Variants in KAZN observed in about 807,000 individuals in gnomAD.
KAZN encodes the protein kazrin.
Under a neutral mutation model 87.4 loss-of-function variants are expected in KAZN, and 40 were observed. The observed-to-expected ratio is 0.46, with a 90% CI of 0.36 to 0.60. The LOEUF (loss-of-function observed/expected upper bound fraction) is 0.60. Ranked by LOEUF, KAZN falls within the 20% of genes least tolerant of loss-of-function variation. The pLI is 0.00. For missense variants in KAZN, 898 were observed against 1,073.9 expected, an observed-to-expected ratio of 0.84 and a Z score of 2.29; for synonymous variants, 466 against 458.3, an observed-to-expected ratio of 1.02 and a Z score of -0.22.
chr1:14,335,728 T>C (rs1018835178), intron 2 of KAZN, among the ~76,000 whole-genome samples: 3 of 151,718 alleles, frequency 2.0e-5, no homozygotes, highest in Admixed American at 6.6e-5. Flanking sequence ...AACAGACTAA[T>C]ATAGGCGTGC....
chr1:14,021,054 G>C (rs1164825003), intron 1 of KAZN, among the ~76,000 whole-genome samples: 2 of 152,192 alleles, frequency 1.3e-5, no homozygotes, highest in African/African-American at 2.4e-5. Flanking sequence ...AGCCAAGCCA[G>C]GTTTCTCACC....
At chr1:14,382,237 C>T (rs1267570562) in intron 2 of KAZN, among the ~76,000 whole-genome samples, 1 of 152,104 alleles carries the variant, frequency 6.6e-6, no homozygotes, top group African/African-American at 2.4e-5. Context: ...CCATACTACC[C>T]AATGCAATCT....
chr1:14,587,817 A>G (rs1054230494), intron 2 of KAZN, among the ~76,000 whole-genome samples: 3 of 152,162 alleles, frequency 2.0e-5, no homozygotes, highest in Admixed American at 6.5e-5. Flanking sequence ...GAGGGGACAA[A>G]CAACCACACT....
At chr1:14,674,571 A>T (rs1161588417) in intron 1 of KAZN, among the ~76,000 whole-genome samples, 1 of 152,204 alleles carries the variant, frequency 6.6e-6, no homozygotes, top group Non-Finnish European at 1.5e-5. Flanking sequence ...ACTCACCAGG[A>T]CGAGTTAGGC....
In KAZN at chr1:14,466,888, G is replaced by C. The variant is rs558963458; in HGVS notation, c.250-132095G>C. On this transcript the variant is annotated intron_variant, in intron 2 of 16. Transcript: ENST00000636203. Reference sequence around the variant, plus strand: ...GGAGGCTGAGGCAGGAGAATGGCGTGAACCCAGGAGGTGGAGGTTGCAGTG... The same window carrying C: ...GGAGGCTGAGGCAGGAGAATGGCGTCAACCCAGGAGGTGGAGGTTGCAGTG... 3.5e-4 allele frequency among the ~76,000 whole-genome samples: 53 copies of C among 152,268 alleles called. No homozygotes were observed. The East Asian group carries it at 0.01, about 29-fold the overall frequency.
At chr1:14,499,122 G>T (rs188053995) in intron 2 of KAZN, among the ~76,000 whole-genome samples, 1 of 152,098 alleles carries the variant, frequency 6.6e-6, no homozygotes, top group African/African-American at 2.4e-5. Context: ...AATATTTGGT[G>T]AGTGTGTTTA....
intron 2 of KAZN, among the ~76,000 whole-genome samples, chr1:14,575,943 C>T (rs764492922): frequency 5.9e-5 from 9 of 152,200 alleles, no homozygotes; most frequent in Non-Finnish European, 1.2e-4. Context: ...AATGCATCCC[C>T]TTAGGTGAAC....
intron 13 of KAZN, 110 bp from the exon 14 acceptor site, chr1:15,112,307 GCAGCTGTGGT>G (rs1419023127): frequency 8.1e-5 from 57 of 701,462 alleles, no homozygotes; most frequent in Non-Finnish European, 1.3e-4. Flanking sequence ...GTCGGTCTCA[GCAGCTGTGGT>G]CATTGTCACC....
chr1:14,816,628 T>G (rs1296271934), intron 1 of KAZN, among the ~76,000 whole-genome samples: 2 of 152,104 alleles, frequency 1.3e-5, no homozygotes, highest in Non-Finnish European at 2.9e-5. Context: ...CAGACAGACA[T>G]ATTAATAGAT....
At chr1:14,157,588 G>T (rs888035066) in intron 1 of KAZN, among the ~76,000 whole-genome samples, 6 of 152,156 alleles carry the variant, frequency 3.9e-5, no homozygotes, top group African/African-American at 1.4e-4. Flanking sequence ...TGAAAAGTCT[G>T]CTGCCAGAGG....
At chr1:14,256,581 GAAA>G (rs973210118) in intron 2 of KAZN, among the ~76,000 whole-genome samples, 1 of 151,970 alleles carries the variant, frequency 6.6e-6, no homozygotes. Flanking sequence ...GAACATTCTA[GAAA>G]AAAATGGCAG....
rs560729592 is a variant in KAZN, at chr1:14,002,608, C to A, written c.91+108852C>A. 1.1e-4 allele frequency among the ~76,000 whole-genome samples: 17 copies of A among 152,258 alleles called. No homozygotes were observed. The South Asian group carries it at 3.3e-3, about 30-fold the overall frequency. On this transcript the variant is annotated intron_variant, in intron 1 of 16. Transcript: ENST00000636203. ...TCTTTATCAGCCGTGTGAAAATGAA[C>A]TAATACACTCATCATTTGAGAAATG...
intron 1 of KAZN, among the ~76,000 whole-genome samples, chr1:14,774,417 C>T (rs1196364788): frequency 6.6e-6 from 1 of 151,956 alleles, no homozygotes; most frequent in Non-Finnish European, 1.5e-5. Context: ...TTCCCCTTCT[C>T]ACACCCACAC....
At chr1:14,858,787 T>TGA (rs1650473744) in intron 1 of KAZN, among the ~76,000 whole-genome samples, 1 of 152,210 alleles carries the variant, frequency 6.6e-6, no homozygotes, top group African/African-American at 2.4e-5. Flanking sequence ...TGGCTTGCAT[T>TGA]GAGAGACCTT....
intron 2 of KAZN, among the ~76,000 whole-genome samples, chr1:14,316,995 G>A (rs910236268): frequency 6.6e-6 from 1 of 151,850 alleles, no homozygotes; most frequent in Non-Finnish European, 1.5e-5. Context: ...TGAGATGAAA[G>A]TTTACTCCAT....
chr1:14,265,465 C>T (rs1259636009), intron 2 of KAZN, among the ~76,000 whole-genome samples: 8 of 152,280 alleles, frequency 5.3e-5, no homozygotes, highest in South Asian at 4.1e-4. Flanking sequence ...TGGTGAAATA[C>T]GCAGCAATGA....
At chr1:14,126,723 G>T (rs1000209446) in intron 1 of KAZN, among the ~76,000 whole-genome samples, 26 of 152,090 alleles carry the variant, frequency 1.7e-4, no homozygotes, top group Non-Finnish European at 3.4e-4. Context: ...ATCAACCTTG[G>T]GTCTTCTGAC....
In KAZN at chr1:14,136,238, G is replaced by A. The variant is rs375376782; in HGVS notation, c.92-44197G>A. On this transcript the variant is annotated intron_variant, in intron 1 of 16. Transcript: ENST00000636203. ...GGACTGCAGAGTTTTGGGGAGCCCC[G>A]GCCTCAGTAGGGCACAAGCGGATGT... is the stretch of plus-strand genomic sequence containing the variant. Among the ~76,000 whole-genome samples, 240 of 152,148 alleles carry A rather than the reference G, an allele frequency of 1.6e-3. 1 individual carries two copies. The highest frequency in any genetic ancestry group is 5.4e-3 in the African/African-American group (225 of 41,524).
At chr1:14,262,109 G>A (rs1310447764) in intron 2 of KAZN, among the ~76,000 whole-genome samples, 5 of 152,120 alleles carry the variant, frequency 3.3e-5, no homozygotes, top group Admixed American at 3.3e-4. Flanking sequence ...AAATAAAAGT[G>A]AGTTGTTTTT....
Sources: allele counts gnomAD v4.1 joint callset (sites outside exome capture counted in the v4.1 genomes callset), GRCh38; gene constraint gnomAD v4.1.1; transcripts MANE v1.5; gene names NCBI Gene and HGNC (gene_info 2026-07-23, HGNC 2026-07-21).